The following CTNND2 variants were observed in gnomAD, a reference collection of about 807,000 sequenced individuals.
CTNND2 encodes catenin delta-2.
A neutral mutation model predicts 144.4 loss-of-function variants in CTNND2; 22 were observed. The ratio of observed to expected loss-of-function variants is 0.15; its 90% CI spans 0.11 to 0.22. The LOEUF is 0.22. Ranked by LOEUF, CTNND2 falls within the 10% of genes least tolerant of loss-of-function variation. CTNND2 has a pLI of 1.00. For synonymous variants in CTNND2, 751 were observed against 695.6 expected, an observed-to-expected ratio of 1.08 and a Z score of -1.25; for missense variants, 1,353 against 1,618.8, an observed-to-expected ratio of 0.84 and a Z score of 2.82.
intron 2 of CTNND2, among the ~76,000 whole-genome samples, chr5:11,690,453 G>A (rs575613180): frequency 6.6e-6 from 1 of 152,100 alleles, no homozygotes; most frequent in Non-Finnish European, 1.5e-5. Context: ...ATTCACCTAC[G>A]ATATTAGAGG....
rs562902247 is a variant in CTNND2, at chr5:11,221,902, C to T, written c.1761+14789G>A. 2.0e-5 allele frequency among the ~76,000 whole-genome samples: 3 copies of T among 152,224 alleles called. No homozygotes were observed. In the East Asian group the frequency reaches 5.8e-4, roughly 29 times the overall value. On this transcript the variant is annotated intron_variant, in intron 10 of 21. Transcript: ENST00000304623. ...CTACAGACTAAAGCAAAAGAAATGACCAGAATGCCAGATGAAGAAGTTTAT... is the reference window on the plus strand; with the variant it reads ...CTACAGACTAAAGCAAAAGAAATGATCAGAATGCCAGATGAAGAAGTTTAT...
intron 2 of CTNND2, among the ~76,000 whole-genome samples, chr5:11,567,560 G>A (rs184739553): frequency 8.6e-4 from 130 of 151,914 alleles, no homozygotes; most frequent in Non-Finnish European, 1.7e-3. Flanking sequence ...GTTTAATTTG[G>A]GTAGTTTCTA....
At chr5:11,870,250 G>C (rs954647268) in intron 1 of CTNND2, among the ~76,000 whole-genome samples, 4 of 152,194 alleles carry the variant, frequency 2.6e-5, no homozygotes, top group Non-Finnish European at 5.9e-5. Flanking sequence ...GGTTGTTACA[G>C]CTGGGTGGTG....
chr5:11,710,544 A>C (rs1430435415), intron 2 of CTNND2, among the ~76,000 whole-genome samples: 1 of 151,728 alleles, frequency 6.6e-6, no homozygotes, highest in African/African-American at 2.4e-5. Flanking sequence ...CATCTCAAAA[A>C]AAAAAAAAAA....
At chr5:11,343,850 C>T (rs145185745) in intron 9 of CTNND2, among the ~76,000 whole-genome samples, 23 of 152,128 alleles carry the variant, frequency 1.5e-4, no homozygotes, top group African/African-American at 5.5e-4. Flanking sequence ...TGGTGTTTGG[C>T]AGTAAATAAA....
Position 10,973,340 on chromosome 5 carries a change from T to C in CTNND2, c.*113A>G. On this transcript the variant is annotated 3_prime_UTR_variant, in exon 22 of 22. Coordinates refer to ENST00000304623, the MANE Select transcript of CTNND2 (RefSeq NM_001332.4). The surrounding 1 kb of genome is among the most constrained non-coding windows in gnomAD (Gnocchi z 5.6). ...TCCTTACTGGTTATCACAGCCTTCCTATGGAACAGGCTTTAACAAACTAAA... is the reference window on the plus strand; with the variant it reads ...TCCTTACTGGTTATCACAGCCTTCCCATGGAACAGGCTTTAACAAACTAAA... 1 of 1,155,152 alleles carries C rather than the reference T, an allele frequency of 8.7e-7. No homozygotes were observed. Among genetic ancestry groups the C allele is most frequent in the Non-Finnish European group, 1.2e-6 (1 of 849,504 alleles). The allele number at this position is 1,155,152 out of a possible 1,614,324, so 71.6% of individuals were successfully genotyped here.
intron 1 of CTNND2, among the ~76,000 whole-genome samples, chr5:11,878,623 A>C (rs935892534): frequency 6.6e-6 from 1 of 152,310 alleles, no homozygotes; most frequent in South Asian, 2.1e-4. Context: ...CCTGAGCTGA[A>C]GTTTGCAGTG....
At chr5:11,483,580 T>C (rs1768493563) in intron 3 of CTNND2, among the ~76,000 whole-genome samples, 1 of 152,208 alleles carries the variant, frequency 6.6e-6, no homozygotes, top group South Asian at 2.1e-4. Context: ...TGACCTTCAA[T>C]TGTCTACACT....
chr5:11,468,234 A>C (rs61757524), intron 3 of CTNND2, among the ~76,000 whole-genome samples: 12,450 of 152,230 alleles, frequency 0.082, 1,612 homozygotes, highest in African/African-American at 0.28. Flanking sequence ...GAAACTTAAG[A>C]GCTAGTAACC....
chr5:11,081,686 C>T (rs1300313012), intron 16 of CTNND2, among the ~76,000 whole-genome samples: 2 of 152,088 alleles, frequency 1.3e-5, no homozygotes, highest in Non-Finnish European at 2.9e-5. Context: ...TACTAGTTTA[C>T]CATTAAAGAA....
chr5:11,186,117 G>C (rs1735594652), intron 11 of CTNND2, among the ~76,000 whole-genome samples: 3 of 152,342 alleles, frequency 2.0e-5, no homozygotes, highest in Non-Finnish European at 4.4e-5. Context: ...TGTAATTAGA[G>C]ATAAGCACAG....
rs770330124 is a variant in CTNND2 at position 11,098,030 on chromosome 5, A to G, written c.2637+545T>C. Among the ~76,000 whole-genome samples, 5 of 152,342 alleles carry G rather than the reference A, an allele frequency of 3.3e-5. No individual in the cohort carries two copies. The East Asian group carries it at 9.6e-4, about 29-fold the overall frequency. On this transcript the variant is annotated intron_variant, in intron 15 of 21. Coordinates refer to ENST00000304623, the MANE Select transcript of CTNND2 (RefSeq NM_001332.4). ...TAAGGACTCAGAAAAAGGCTGTTCT[A>G]ATCTCCTCTCCAATCATAAATTTAC...
At chr5:11,824,387 C>T (rs1793494398) in intron 1 of CTNND2, among the ~76,000 whole-genome samples, 2 of 152,064 alleles carry the variant, frequency 1.3e-5, no homozygotes, top group Admixed American at 1.3e-4. Flanking sequence ...TCACTTCAGG[C>T]CTGATGCAGG....
intron 3 of CTNND2, among the ~76,000 whole-genome samples, chr5:11,477,073 A>T (rs562338651): frequency 6.6e-6 from 1 of 152,354 alleles, no homozygotes; most frequent in African/African-American, 2.4e-5. Context: ...GCTGAATGTC[A>T]AGAAGAATGA....
At chr5:11,644,764 C>T (rs576056922) in intron 2 of CTNND2, among the ~76,000 whole-genome samples, 3 of 151,962 alleles carry the variant, frequency 2.0e-5, no homozygotes, top group African/African-American at 7.2e-5. Flanking sequence ...TCTGTCATGA[C>T]TGCCCACTAT....
Position 11,193,728 on chromosome 5 carries a change from T to C in CTNND2, c.1975+5720A>G, listed in dbSNP as rs554584614. On this transcript the variant is annotated intron_variant, in intron 11 of 21. Transcript: ENST00000304623. ...TAGCTCCTGCTCTGGGGAGAGGGGC[T>C]ATGCCTCTGGGTGATCATAACAAAG... is the stretch of plus-strand genomic sequence containing the variant. Among the ~76,000 whole-genome samples the C allele has an allele frequency of 2.0e-5, 3 of 152,176 alleles. No homozygotes were observed. The East Asian group carries it at 5.8e-4, about 29-fold the overall frequency.
At chr5:11,845,145 G>A (rs1477876533) in intron 1 of CTNND2, among the ~76,000 whole-genome samples, 1 of 152,180 alleles carries the variant, frequency 6.6e-6, no homozygotes, top group African/African-American at 2.4e-5. Context: ...TTTAGGAAGT[G>A]AAATAGCCAG....
At chr5:11,796,278 T>C (rs560865006) in intron 1 of CTNND2, among the ~76,000 whole-genome samples, 2 of 152,290 alleles carry the variant, frequency 1.3e-5, no homozygotes, top group Admixed American at 6.5e-5. Flanking sequence ...TAGGACAAGG[T>C]CATCTTTCAG....
At chr5:11,264,063 A>G (rs1027960811) in intron 9 of CTNND2, among the ~76,000 whole-genome samples, 2 of 152,242 alleles carry the variant, frequency 1.3e-5, no homozygotes, top group Admixed American at 6.5e-5. Context: ...GAGCATTCTG[A>G]TAAGTCTTTA....
Sources: gnomAD v4.1 joint callset for allele counts (sites outside exome capture counted in the v4.1 genomes callset) on GRCh38, gnomAD v4.1.1 for gene constraint, Gnocchi (gnomAD v3.1) non-coding constraint, MANE v1.5 for transcripts, NCBI Gene and HGNC (gene_info 2026-07-23, HGNC 2026-07-21) for gene names.